Variants in SREBF2 observed in about 807,000 individuals in gnomAD.
The protein encoded by SREBF2 is sterol regulatory element-binding protein 2.
Under a neutral mutation model 113.1 loss-of-function variants are expected in SREBF2, and 55 were observed. The observed-to-expected ratio is 0.49, with a 90% CI of 0.39 to 0.61. SREBF2 has a LOEUF of 0.61. SREBF2 is among the 20% of genes least tolerant of loss of function. The pLI is 0.00. For missense variants in SREBF2, 1,349 were observed against 1,487.4 expected (o/e 0.91, Z 1.53); for synonymous variants, 593 against 605.7 (o/e 0.98, Z 0.31).
At chr22:41,839,142 G>A (rs1471352065) in intron 1 of SREBF2, among the ~76,000 whole-genome samples, 1 of 152,182 alleles carries the variant, frequency 6.6e-6, no homozygotes, top group East Asian at 1.9e-4. Context: ...AGGCAGAGCA[G>A]AGGGAGAATT....
Position 41,880,824 on chromosome 22 carries a change from A to G in SREBF2, c.1870A>G (p.Ile624Val). 2 of 1,614,120 alleles carry G rather than the reference A, an allele frequency of 1.2e-6. No individual in the cohort carries two copies. The highest frequency in any genetic ancestry group is 1.7e-6 in the Non-Finnish European group (2 of 1,180,036). ...GGCCTGCAGCCTCTCCTGGAACGTGATCCGCTACAGCCTGCAGAAGCTACG... is the reference window on the plus strand; with the variant it reads ...GGCCTGCAGCCTCTCCTGGAACGTGGTCCGCTACAGCCTGCAGAAGCTACG... ...DLACSLSWNV[I>V]RYSLQKLRLV... The change falls in exon 10 of 19, where the codon ATC becomes GTC. Residue 624 changes from isoleucine to valine, a missense_variant. By Grantham distance (29) the Ile-to-Val change is conservative. Coordinates refer to ENST00000361204, the MANE Select transcript of SREBF2 (RefSeq NM_004599.4).
Position 41,847,173 on chromosome 22 carries a change from A to G in SREBF2, c.88+13815A>G, listed in dbSNP as rs558324324. ...GTTGGGGTCTTTCATTTTTGCCTGA[A>G]TGGTTTAAGGGCTGAAAAAGGTTGA... On this transcript the variant is annotated intron_variant, in intron 1 of 18. Transcript: ENST00000361204. 3.9e-5 allele frequency among the ~76,000 whole-genome samples: 6 copies of G among 152,184 alleles called. No individual in the cohort carries two copies. In the East Asian group the frequency reaches 1.2e-3, roughly 29 times the overall value.
At chr22:41,899,035 C>T (rs1382243979) in intron 15 of SREBF2, 8 of 614,260 alleles carry the variant, frequency 1.3e-5, no homozygotes, top group Non-Finnish European at 2.2e-5. Context: ...TCCGGGTCCT[C>T]CTCCCTGCAG....
intron 1 of SREBF2, among the ~76,000 whole-genome samples, chr22:41,858,603 C>G (rs2076997782): frequency 6.6e-6 from 1 of 151,978 alleles, no homozygotes; most frequent in African/African-American, 2.4e-5. Flanking sequence ...TAAAAATTAT[C>G]TGGACATGGT....
intron 13 of SREBF2, among the ~76,000 whole-genome samples, chr22:41,895,872 G>A (rs2077411738): frequency 6.6e-6 from 1 of 150,380 alleles, no homozygotes; most frequent in Admixed American, 6.6e-5. Context: ...GGGTGCAGTG[G>A]CTCACGTCTG....
intron 1 of SREBF2, among the ~76,000 whole-genome samples, chr22:41,840,936 T>G (rs770639078): frequency 6.6e-6 from 1 of 152,206 alleles, no homozygotes; most frequent in Non-Finnish European, 1.5e-5. Context: ...ATGGCACTGA[T>G]TTGGGCCTCT....
At chr22:41,896,983 C>G (rs1013624322) in intron 13 of SREBF2, 69 bp from the exon 14 acceptor site, 11 of 1,112,228 alleles carry the variant, frequency 9.9e-6, no homozygotes, top group Non-Finnish European at 1.5e-5. Context: ...GAGAGCTGAA[C>G]AGCTAGGCCA....
Position 41,894,771 on chromosome 22 carries a change from G to A in SREBF2, c.2378-49G>A, listed in dbSNP as rs375977578. 2.7e-6 allele frequency: 4 copies of A among 1,505,748 alleles called. No individual in the cohort carries two copies. In the African/African-American group the frequency reaches 5.5e-5, roughly 21 times the overall value. 93.3% of individuals were successfully genotyped at this position (1,505,748 alleles called of 1,614,324 possible). On this transcript the variant is annotated intron_variant, in intron 12 of 18. Transcript: ENST00000361204. The stretch of plus-strand genomic sequence containing the variant: ...AGTTTCTCTCCGTAAAGACAAAGTG[G>A]GCTCATAAATGAGCTCCATTTAACC...
At chr22:41,883,733 C>T (rs1256291459) in intron 10 of SREBF2, among the ~76,000 whole-genome samples, 1 of 152,170 alleles carries the variant, frequency 6.6e-6, no homozygotes, top group Non-Finnish European at 1.5e-5. Context: ...GCTGAGATCT[C>T]CCTAGGCTGA....
chr22:41,879,317 G>C (rs1358472990), intron 9 of SREBF2, among the ~76,000 whole-genome samples: 1 of 152,252 alleles, frequency 6.6e-6, no homozygotes, highest in Non-Finnish European at 1.5e-5. Flanking sequence ...CTCCAAGATG[G>C]AGTGGACTCC....
At position 41,900,324 on chromosome 22, in the gene SREBF2, C is replaced by A; in HGVS notation, c.2739-6C>A. On this transcript the variant is annotated splice_polypyrimidine_tract_variant and splice_region_variant and intron_variant, in intron 15 of 18. Coordinates refer to ENST00000361204, the MANE Select transcript of SREBF2 (RefSeq NM_004599.4). ...CCTGCCTCTCGACTCCCTGTCACTGCTGCAGGAGCCCCCTGGTGAAGGCCA... is the reference window on the plus strand; with the variant it reads ...CCTGCCTCTCGACTCCCTGTCACTGATGCAGGAGCCCCCTGGTGAAGGCCA... 1.2e-6 allele frequency: 2 copies of A among 1,612,298 alleles called. No homozygotes were observed. Among genetic ancestry groups the A allele is most frequent in the Non-Finnish European group, 1.7e-6 (2 of 1,180,006 alleles).
chr22:41,841,789 A>G (rs1362363067), intron 1 of SREBF2, among the ~76,000 whole-genome samples: 1 of 152,256 alleles, frequency 6.6e-6, no homozygotes, highest in Non-Finnish European at 1.5e-5. Flanking sequence ...TTATCTGCGT[A>G]CATATCACAG....
At chr22:41,844,383 T>A (rs2076858730) in intron 1 of SREBF2, among the ~76,000 whole-genome samples, 1 of 152,214 alleles carries the variant, frequency 6.6e-6, no homozygotes. Flanking sequence ...TTTTTTCCTT[T>A]TGAAATGGCT....
intron 17 of SREBF2, 143 bp downstream of exon 17, chr22:41,903,298 G>A (rs1016777954): frequency 3.9e-6 from 4 of 1,017,144 alleles, no homozygotes; most frequent in South Asian, 1.4e-5. Flanking sequence ...TGCTTGGCTC[G>A]TGCCCAACAC....
chr22:41,880,914 G>A lies in SREBF2; in HGVS notation c.1960G>A (p.Gly654Ser), dbSNP rs1014186217. 1.2e-6 allele frequency: 2 copies of A among 1,613,582 alleles called. No homozygotes were observed. The highest frequency in any genetic ancestry group is 1.7e-6 in the Non-Finnish European group (2 of 1,180,054). The change falls in exon 10 of 19, where the codon GGC becomes AGC. Residue 654 changes from glycine to serine, a missense_variant. By Grantham distance (56) the Gly-to-Ser change is moderately conservative. Transcript: ENST00000361204. The part of the protein sequence containing the change: ...CRRATPATEA[G>S]FEDEAKTSAR... Reference sequence around the variant, plus strand: ...GCGGGCCACGCCAGCCACTGAGGCAGGCTTTGAAGACGAAGCTAAGACCAG... The same window carrying A: ...GCGGGCCACGCCAGCCACTGAGGCAAGCTTTGAAGACGAAGCTAAGACCAG...
At chr22:41,870,102 C>T (rs564366117) in intron 3 of SREBF2, among the ~76,000 whole-genome samples, 7 of 152,278 alleles carry the variant, frequency 4.6e-5, no homozygotes, top group Non-Finnish European at 7.4e-5. Context: ...GATCCACCTG[C>T]CTTGGTCTCC....
Position 41,905,546 on chromosome 22 carries a change from G to A in SREBF2, c.3312G>A (p.Val1104=). The A allele has an allele frequency of 6.3e-7, 1 of 1,590,220 alleles. No individual in the cohort carries two copies. Among genetic ancestry groups the A allele is most frequent in the Non-Finnish European group, 8.6e-7 (1 of 1,169,082 alleles). Residue 1104 remains valine, a synonymous_variant, in exon 19 of 19, where the codon GTG becomes GTA. Coordinates refer to ENST00000361204, the MANE Select transcript of SREBF2 (RefSeq NM_004599.4). ...SFLSSPGQRA[V]LLAEAARTLE... ...TCTCCTCCCCGGGCCAGCGGGCAGTGCTGCTGGCCGAAGCTGCCCGCACCC... is the reference window on the plus strand; with the variant it reads ...TCTCCTCCCCGGGCCAGCGGGCAGTACTGCTGGCCGAAGCTGCCCGCACCC...
At chr22:41,885,123 G>A (rs2077288027) in intron 11 of SREBF2, 112 bp downstream of exon 11, 2 of 1,291,382 alleles carry the variant, frequency 1.5e-6, no homozygotes, top group Non-Finnish European at 1.1e-6. Flanking sequence ...CTGCCCACCT[G>A]GAGGGGTAGG....
At chr22:41,869,103 T>TTTG (rs1043477411) in intron 3 of SREBF2, among the ~76,000 whole-genome samples, 8 of 152,164 alleles carry the variant, frequency 5.3e-5, no homozygotes, top group East Asian at 3.8e-4. Context: ...GTTGTGTTTT[T>TTTG]TTGTTGTTGT....
Sources: allele counts gnomAD v4.1 joint callset (sites outside exome capture counted in the v4.1 genomes callset), GRCh38; gene constraint gnomAD v4.1.1; transcripts MANE v1.5; gene names NCBI Gene and HGNC (gene_info 2026-07-23, HGNC 2026-07-21).